HEPH: variants seen among roughly 807,000 people sequenced by gnomAD.
HEPH encodes the protein hephaestin.
Under a neutral mutation model 80.8 loss-of-function variants are expected in HEPH, and 69 were observed. The ratio of observed to expected loss-of-function variants is 0.85; its 90% CI spans 0.70 to 1.04. The LOEUF (loss-of-function observed/expected upper bound fraction) is 1.04. Among genes scored for constraint, HEPH ranks in the 50% least tolerant of loss-of-function variants. HEPH has a pLI of 0.00. For synonymous variants in HEPH, 431 were observed against 322.8 expected (o/e 1.34, Z -3.60); for missense variants, 1,115 against 891.3 (o/e 1.25, Z -3.20).
Position 66,208,098 on chromosome X carries a change from A to T in HEPH, c.2432-17A>T, listed in dbSNP as rs1036601203. On this transcript the variant is annotated splice_polypyrimidine_tract_variant and intron_variant, in intron 14 of 20. Coordinates refer to ENST00000343002, the MANE Select transcript of HEPH (RefSeq NM_001367233.3). ...TTAATGAAACTTTATTTATTTAATT[A>T]TTTTTGTTTACATTAGGTCCACTTA... The T allele has an allele frequency of 1.8e-6, 2 of 1,129,115 alleles. No homozygotes were observed. The highest frequency in any genetic ancestry group is 3.7e-5 in the African/African-American group (2 of 54,457). The allele number at this position is 1,129,115 out of a possible 1,213,427, so 93.1% of individuals were successfully genotyped here.
intron 14 of HEPH, among the ~76,000 whole-genome samples, chrX:66,207,804 A>G (rs904714145): frequency 2.7e-5 from 3 of 111,654 alleles, no homozygotes; most frequent in Non-Finnish European, 3.8e-5. Context: ...TTTATCGTCA[A>G]TGATTCCACA....
In HEPH at chrX:66,256,184, T is replaced by A; in HGVS notation, c.2750T>A (p.Met917Lys). Reference sequence around the variant, plus strand: ...GAGCCCCATGGAGGACGGAGTGACATGGATCGGGAATTTGCATTGTTGTTC... The same window carrying A: ...GAGCCCCATGGAGGACGGAGTGACAAGGATCGGGAATTTGCATTGTTGTTC... ...ILEPHGGRSD[M>K]DREFALLFLI... Residue 917 changes from methionine to lysine, a missense_variant, in exon 17 of 21, where the codon ATG becomes AAG. Met to Lys is a moderately conservative substitution (Grantham distance 95). Coordinates refer to ENST00000343002, the MANE Select transcript of HEPH (RefSeq NM_001367233.3). 8.3e-7 allele frequency: 1 copy of A among 1,211,510 alleles called. No homozygotes were observed. Among genetic ancestry groups the A allele is most frequent in the Non-Finnish European group, 1.1e-6 (1 of 895,255 alleles).
intron 15 of HEPH, among the ~76,000 whole-genome samples, chrX:66,250,912 C>T (rs1168839135): frequency 8.9e-6 from 1 of 111,970 alleles, no homozygotes; most frequent in Admixed American, 9.5e-5. Context: ...GAGACAGAGT[C>T]TCGCTCTGTC....
chrX:66,232,653 G>T (rs1243644435), intron 15 of HEPH, among the ~76,000 whole-genome samples: 1 of 110,727 alleles, frequency 9.0e-6, no homozygotes, highest in Admixed American at 9.7e-5. Flanking sequence ...TTATAGTCTA[G>T]TCAGGAGAAA....
intron 19 of HEPH, among the ~76,000 whole-genome samples, chrX:66,261,477 C>T (rs2091360713): frequency 9.1e-6 from 1 of 109,608 alleles, no homozygotes; most frequent in African/African-American, 3.3e-5. Flanking sequence ...CAATCCCCAA[C>T]ACTATTTGCC....
intron 10 of HEPH, among the ~76,000 whole-genome samples, chrX:66,198,440 C>T (rs1242503785): frequency 8.9e-6 from 1 of 111,992 alleles, no homozygotes; most frequent in East Asian, 2.8e-4. Context: ...AGCACAGTGT[C>T]TGGCACATAT....
intron 4 of HEPH, among the ~76,000 whole-genome samples, chrX:66,179,412 T>C (rs911074369): frequency 1.8e-5 from 2 of 111,954 alleles, no homozygotes; most frequent in African/African-American, 3.2e-5. Context: ...TTGCTTAGGA[T>C]TGACTTGGCA....
chrX:66,203,420 A>G lies in HEPH; in HGVS notation c.2134A>G (p.Ile712Val). The G allele has an allele frequency of 8.3e-7, 1 of 1,210,523 alleles. No individual in the cohort carries two copies. The highest frequency in any genetic ancestry group is 1.1e-6 in the Non-Finnish European group (1 of 895,174). ...CCATCGAGAAGCAGGGATGAGGGCA[A>G]TCTATAATGTCTCCCAGTGTCCTGG... ...GSHREAGMRA[I>V]YNVSQCPGHQ... The change falls in exon 13 of 21, where the codon ATC becomes GTC. Residue 712 changes from isoleucine (I) to valine (V), a missense_variant. By Grantham distance (29) the Ile-to-Val change is conservative. Transcript: ENST00000343002.
intron 20 of HEPH, 93 bp downstream of exon 20, chrX:66,263,781 A>G (rs915697801): frequency 2.4e-6 from 2 of 840,303 alleles, no homozygotes; most frequent in African/African-American, 2.0e-5. Context: ...GACTTATGTG[A>G]CTGAGAGTTA....
intron 2 of HEPH, chrX:66,171,127 A>T: frequency 3.1e-6 from 1 of 323,838 alleles, no homozygotes; most frequent in African/African-American, 2.7e-5. Context: ...TTTATTTCAG[A>T]TATGTGAAAA....
chrX:66,193,397 T>A, intron 7 of HEPH, 105 bp from the exon 8 acceptor site: 1 of 484,945 alleles, frequency 2.1e-6, no homozygotes, highest in Non-Finnish European at 3.3e-6. Context: ...AGCTCTGAGG[T>A]CCTTCCTAAA....
rs370849692 is a variant in HEPH, at chrX:66,263,686, A to T, written c.3242A>T (p.Lys1081Ile). 18 of 1,206,507 alleles carry T rather than the reference A, an allele frequency of 1.5e-5. No homozygotes were observed. The African/African-American group carries it at 3.2e-4, about 21-fold the overall frequency. Residue 1081 changes from lysine to isoleucine, a missense_variant and splice_region_variant, in exon 20 of 21, where the codon AAA (lysine) becomes ATA (isoleucine). By Grantham distance (102) the Lys-to-Ile change is moderately radical. This residue lies in a region of HEPH where 716 missense variants were observed against 523.5 expected (regional missense o/e 1.37). Transcript: ENST00000343002. The stretch of plus-strand genomic sequence containing the variant: ...ACCGTCATCACCAAAGAGACTGAAA[A>T]AGGTACGTAAAATGATGCACAGACT... ...PLTVITKETE[K>I]AVPPRDIEEG...
intron 15 of HEPH, among the ~76,000 whole-genome samples, chrX:66,219,589 G>A (rs1003036854): frequency 2.7e-5 from 3 of 111,382 alleles, no homozygotes; most frequent in African/African-American, 6.5e-5. Context: ...AATGGGGGTC[G>A]GGTATCCCCA....
intron 1 of HEPH, among the ~76,000 whole-genome samples, chrX:66,165,973 A>T (rs1282471546): frequency 9.0e-6 from 1 of 111,012 alleles, no homozygotes; most frequent in African/African-American, 3.3e-5. Context: ...CAGGGCTTTC[A>T]CATCTTTCAT....
chrX:66,215,584 T>C (rs780592600), intron 15 of HEPH, among the ~76,000 whole-genome samples: 110 of 112,129 alleles, frequency 9.8e-4, no homozygotes, highest in Non-Finnish European at 1.8e-3. Context: ...AGTAGAAGAA[T>C]AATTTTAAAA....
At chrX:66,229,853 C>T (rs1219508189) in intron 15 of HEPH, among the ~76,000 whole-genome samples, 2 of 108,902 alleles carry the variant, frequency 1.8e-5, no homozygotes, top group Non-Finnish European at 3.8e-5. Context: ...TATACATGTG[C>T]CATGCTGGTG....
intron 15 of HEPH, among the ~76,000 whole-genome samples, chrX:66,248,340 G>A (rs1468395563): frequency 4.5e-5 from 5 of 112,248 alleles, no homozygotes; most frequent in Non-Finnish European, 9.4e-5. Flanking sequence ...CACCTGGGAT[G>A]AGAATGTTTC....
At chrX:66,219,791 T>C in intron 15 of HEPH, among the ~76,000 whole-genome samples, 1 of 111,536 alleles carries the variant, frequency 9.0e-6, no homozygotes, top group East Asian at 2.8e-4. Context: ...ATAACACAAC[T>C]ACCTGCCCAC....
At chrX:66,253,493 T>C (rs757915251) in intron 15 of HEPH, among the ~76,000 whole-genome samples, 1 of 112,416 alleles carries the variant, frequency 8.9e-6, no homozygotes, top group South Asian at 3.7e-4. Context: ...GTTGAGAAAT[T>C]GGAACCCTAA....
Sources: allele counts gnomAD v4.1 joint callset (sites outside exome capture counted in the v4.1 genomes callset), GRCh38; gene constraint gnomAD v4.1.1; regional missense constraint gnomAD v4.1.1; transcripts MANE v1.5; gene names NCBI Gene and HGNC (gene_info 2026-07-23, HGNC 2026-07-21).